The following ERC1 variants were observed in gnomAD, a reference collection of about 807,000 sequenced individuals.
ERC1 encodes the protein RAB6 interacting protein 2.
Under a neutral mutation model 132.0 loss-of-function variants are expected in ERC1, and 56 were observed. The ratio of observed to expected loss-of-function variants is 0.42; its 90% confidence interval spans 0.34 to 0.53. The LOEUF is 0.53. ERC1 is among the 20% of genes least tolerant of loss of function. ERC1 has a pLI of 0.03. For synonymous variants in ERC1, 478 were observed against 476.1 expected (o/e 1.00, Z -0.05); for missense variants, 1,202 against 1,349.9 (o/e 0.89, Z 1.72).
intron 15 of ERC1, among the ~76,000 whole-genome samples, chr12:1,299,192 G>A (rs1398744531): frequency 1.3e-5 from 2 of 152,132 alleles, no homozygotes; most frequent in African/African-American, 4.8e-5. Context: ...AACATTTATA[G>A]AATACTACAT....
At chr12:1,005,207 G>A (rs978147307) in intron 1 of ERC1, among the ~76,000 whole-genome samples, 1 of 151,854 alleles carries the variant, frequency 6.6e-6, no homozygotes, top group African/African-American at 2.4e-5. Context: ...GCTGGAGTGC[G>A]GCAGTGCTAT....
At chr12:1,262,554 C>A (rs746939193) in intron 13 of ERC1, among the ~76,000 whole-genome samples, 2 of 152,160 alleles carry the variant, frequency 1.3e-5, no homozygotes, top group Non-Finnish European at 2.9e-5. Context: ...TTTAAGAAAT[C>A]GTTTGCTGAC....
At chr12:1,007,540 C>CTCTCTCTGTGTGTG (rs1555194875) in intron 1 of ERC1, among the ~76,000 whole-genome samples, 68 of 122,770 alleles carry the variant, frequency 5.5e-4, no homozygotes, top group Middle Eastern at 4.1e-3. Context: ...CTCTCTCTCT[C>CTCTCTCTGTGTGTG]TGTGTGTGTG....
chr12:1,038,806 A>G (rs1969608234), intron 2 of ERC1, among the ~76,000 whole-genome samples: 2 of 152,222 alleles, frequency 1.3e-5, no homozygotes, highest in Non-Finnish European at 2.9e-5. Context: ...GAGTGGATTG[A>G]AGAAAAGGTG....
chr12:1,232,848 T>A (rs61911977), intron 12 of ERC1, among the ~76,000 whole-genome samples: 45,298 of 151,724 alleles, frequency 0.3, 6,899 homozygotes, highest in Middle Eastern at 0.39. Context: ...CTTTATTGGT[T>A]TACTTCGGTG....
At chr12:1,344,144 A>G (rs1035997329) in intron 15 of ERC1, among the ~76,000 whole-genome samples, 1 of 152,214 alleles carries the variant, frequency 6.6e-6, no homozygotes, top group Non-Finnish European at 1.5e-5. Context: ...CCCAGCCTGT[A>G]AAAACATTTT....
intron 18 of ERC1, among the ~76,000 whole-genome samples, chr12:1,488,159 A>AAAG (rs1565540702): frequency 1.7e-4 from 25 of 151,020 alleles, no homozygotes; most frequent in African/African-American, 5.6e-4. Flanking sequence ...AAAAAAAAAA[A>AAAG]AAAGATAGAT....
chr12:1,357,095 A>G (rs373666063), intron 15 of ERC1, among the ~76,000 whole-genome samples: 2 of 152,132 alleles, frequency 1.3e-5, no homozygotes, highest in African/African-American at 4.8e-5. Context: ...CAGCTATAGG[A>G]GTATATCTCG....
intron 16 of ERC1, among the ~76,000 whole-genome samples, chr12:1,398,195 G>T (rs2090706015): frequency 6.6e-6 from 1 of 151,874 alleles, no homozygotes; most frequent in African/African-American, 2.4e-5. Context: ...TGTTGCCCAG[G>T]CTGGTCTCAA....
At chr12:1,262,232 G>A (rs73027459) in intron 13 of ERC1, among the ~76,000 whole-genome samples, 3,189 of 152,256 alleles carry the variant, frequency 0.021, 59 homozygotes, top group South Asian at 0.057. Flanking sequence ...CCTGATGACT[G>A]CAGTTCTCCA....
chr12:1,405,583 A>G (rs1028647208), intron 16 of ERC1, among the ~76,000 whole-genome samples: 3 of 152,146 alleles, frequency 2.0e-5, no homozygotes, highest in Non-Finnish European at 4.4e-5. Context: ...GGCGCCTGTA[A>G]TCCCAGCTAC....
At chr12:1,125,335 T>G (rs2154229497) in intron 7 of ERC1, among the ~76,000 whole-genome samples, 1 of 151,972 alleles carries the variant, frequency 6.6e-6, no homozygotes, top group East Asian at 1.9e-4. Flanking sequence ...AAATAGTCAT[T>G]TTCATCCTCA....
At chr12:1,329,059 T>C (rs1185000119) in intron 15 of ERC1, among the ~76,000 whole-genome samples, 2 of 145,570 alleles carry the variant, frequency 1.4e-5, no homozygotes, top group Admixed American at 6.9e-5. Flanking sequence ...TTTGGGAGGC[T>C]GAGGCGGGCA....
intron 12 of ERC1, among the ~76,000 whole-genome samples, chr12:1,228,549 G>C (rs912190150): frequency 6.6e-6 from 1 of 152,000 alleles, no homozygotes; most frequent in Non-Finnish European, 1.5e-5. Context: ...TTGCCTAATT[G>C]ACTAGGACTT....
At chr12:1,144,956 T>C (rs1413562702) in intron 8 of ERC1, among the ~76,000 whole-genome samples, 1 of 152,158 alleles carries the variant, frequency 6.6e-6, no homozygotes, top group East Asian at 1.9e-4. Context: ...ATATCTATTT[T>C]TTTATTTTTA....
intron 12 of ERC1, among the ~76,000 whole-genome samples, chr12:1,211,342 T>G (rs572741828): frequency 4.4e-4 from 67 of 152,210 alleles, no homozygotes; most frequent in Admixed American, 5.2e-4. Context: ...GAGACAGGGT[T>G]TCTCCATTGT....
chr12:1,471,629 A>G (rs1473707074), intron 18 of ERC1, among the ~76,000 whole-genome samples: 1 of 134,290 alleles, frequency 7.4e-6, no homozygotes, highest in African/African-American at 3.7e-5. Flanking sequence ...TTGGTCCTGT[A>G]GATTGCCACT....
chr12:1,056,183 C>T (rs1972928804), intron 2 of ERC1, among the ~76,000 whole-genome samples: 1 of 147,424 alleles, frequency 6.8e-6, no homozygotes, highest in Non-Finnish European at 1.5e-5. Flanking sequence ...ATTAATTTTT[C>T]TTTTTATCTG....
At chr12:1,213,737 C>CA (rs574859764) in intron 12 of ERC1, among the ~76,000 whole-genome samples, 7,978 of 100,602 alleles carry the variant, frequency 0.079, 512 homozygotes, top group African/African-American at 0.17. Context: ...GACTCCATCT[C>CA]AAAAAAAAAA....
Sources: allele counts gnomAD v4.1 joint callset (sites outside exome capture counted in the v4.1 genomes callset), GRCh38; gene constraint gnomAD v4.1.1; transcripts MANE v1.5; gene names NCBI Gene and HGNC (gene_info 2026-07-23, HGNC 2026-07-21).